DCC: variants seen among roughly 807,000 people sequenced by gnomAD.
DCC encodes DCC netrin 1 receptor, also known as netrin receptor DCC.
Under a neutral mutation model 172.5 loss-of-function variants are expected in DCC, and 58 were observed. That is an observed-to-expected ratio of 0.34 (90% confidence interval 0.27 to 0.42). DCC has a LOEUF of 0.42. Ranked by LOEUF, DCC falls within the 10% of genes least tolerant of loss-of-function variation. DCC has a pLI of 1.00. For synonymous variants in DCC, 709 were observed against 644.5 expected (o/e 1.10, Z -1.52); for missense variants, 1,740 against 1,791.0 (o/e 0.97, Z 0.51).
intron 21 of DCC, among the ~76,000 whole-genome samples, chr18:53,433,128 T>C (rs1451173747): frequency 1.3e-5 from 2 of 152,146 alleles, no homozygotes; most frequent in Non-Finnish European, 2.9e-5. Flanking sequence ...ATGTCCAAGC[T>C]TTAAGCTACT....
intron 12 of DCC, among the ~76,000 whole-genome samples, chr18:53,286,571 T>C (rs147301695): frequency 6.6e-6 from 1 of 152,338 alleles, no homozygotes; most frequent in East Asian, 1.9e-4. Context: ...ACAATTGCAT[T>C]AGCCTCTAAT....
intron 5 of DCC, among the ~76,000 whole-genome samples, chr18:53,049,424 C>T (rs921833226): frequency 3.3e-5 from 5 of 152,076 alleles, no homozygotes; most frequent in African/African-American, 1.2e-4. Flanking sequence ...TATTCCAGGA[C>T]CATTTATTAA....
At chr18:52,588,103 G>A (rs1380003676) in intron 1 of DCC, among the ~76,000 whole-genome samples, 1 of 152,180 alleles carries the variant, frequency 6.6e-6, no homozygotes, top group Non-Finnish European at 1.5e-5. Flanking sequence ...CAAACGTTCA[G>A]TTTCCACCAA....
At chr18:52,736,524 A>T (rs1440681122) in intron 1 of DCC, among the ~76,000 whole-genome samples, 1 of 152,030 alleles carries the variant, frequency 6.6e-6, no homozygotes, top group African/African-American at 2.4e-5. Context: ...CACATTTTTC[A>T]TACTGTTTTT....
chr18:53,134,396 G>T (rs995668182), intron 7 of DCC, among the ~76,000 whole-genome samples: 2 of 152,078 alleles, frequency 1.3e-5, no homozygotes, highest in African/African-American at 4.8e-5. Flanking sequence ...GACCCTGCCT[G>T]CTTCTGAACT....
At chr18:52,710,930 A>C (rs1434925068) in intron 1 of DCC, among the ~76,000 whole-genome samples, 2 of 152,198 alleles carry the variant, frequency 1.3e-5, no homozygotes, top group African/African-American at 4.8e-5. Flanking sequence ...GAGAGGAGAC[A>C]GGATGCTGAC....
chr18:52,762,193 G>A (rs78733388), intron 2 of DCC, among the ~76,000 whole-genome samples: 14,687 of 152,220 alleles, frequency 0.096, 908 homozygotes, highest in Middle Eastern at 0.2. Flanking sequence ...AGTTTGATAG[G>A]CTGGGCATGG....
chr18:53,434,912 A>G lies in DCC; in HGVS notation c.3164-232A>G, dbSNP rs143257766. Among the ~76,000 whole-genome samples, 482 of 152,312 alleles carry G rather than the reference A, an allele frequency of 3.2e-3. 4 individuals are homozygous for G. Among genetic ancestry groups the G allele is most frequent in the African/African-American group, 0.011 (444 of 41,574 alleles). On this transcript the variant is annotated intron_variant, in intron 21 of 28. Transcript: ENST00000442544. ...AGAAATAAAAAGAATGGAGGATGGC[A>G]TATCAGTGAAACACTGAATTTAGTT...
At chr18:52,495,297 C>G (rs1349933) in intron 1 of DCC, among the ~76,000 whole-genome samples, 2 of 151,946 alleles carry the variant, frequency 1.3e-5, no homozygotes, top group African/African-American at 4.8e-5. Flanking sequence ...CCTGACAGTT[C>G]AAGTCTTCGT....
At chr18:52,372,441 G>A (rs1217253965) in intron 1 of DCC, among the ~76,000 whole-genome samples, 1 of 152,206 alleles carries the variant, frequency 6.6e-6, no homozygotes, top group African/African-American at 2.4e-5. Context: ...TACACTGGGA[G>A]TAGGGCTGGT....
intron 9 of DCC, among the ~76,000 whole-genome samples, chr18:53,184,422 C>T (rs1207102746): frequency 2.0e-5 from 3 of 152,074 alleles, no homozygotes; most frequent in African/African-American, 7.2e-5. Flanking sequence ...GTGTCTTACA[C>T]ACCTAGAAGG....
chr18:52,406,397 G>A (rs550133780), intron 1 of DCC, among the ~76,000 whole-genome samples: 223 of 151,874 alleles, frequency 1.5e-3, no homozygotes, highest in African/African-American at 5.0e-3. Context: ...CCTACAAAAT[G>A]GGAGAAAATT....
chr18:52,608,801 G>T (rs1479633663), intron 1 of DCC, among the ~76,000 whole-genome samples: 1 of 152,182 alleles, frequency 6.6e-6, no homozygotes, highest in African/African-American at 2.4e-5. Context: ...CTGAGGGAGT[G>T]ATAATTTCTA....
chr18:52,947,074 A>G (rs1005173037), intron 5 of DCC, among the ~76,000 whole-genome samples: 1 of 152,156 alleles, frequency 6.6e-6, no homozygotes, highest in Non-Finnish European at 1.5e-5. Flanking sequence ...TCTGAGTGGC[A>G]GTTAACAAAC....
Position 53,063,413 on chromosome 18 carries a change from T to C in DCC, c.1094T>C (p.Met365Thr), listed in dbSNP as rs553716754. The change falls in exon 6 of 29, where the codon ATG becomes ACG. Residue 365 changes from methionine (M) to threonine (T), a missense_variant. Met to Thr is a moderately conservative substitution (Grantham distance 81). Around this residue, in one of 2 missense-constraint regions of DCC, gnomAD observed 1,732 missense variants for 1,767.4 expected, o/e 0.98. Transcript: ENST00000442544. ...AAGCCTGTGCCCACTGTGAATTGGA[T>C]GAAGAATGGAGATGTGGTCATTCCT... is the stretch of plus-strand genomic sequence containing the variant. The part of the protein sequence containing the change: ...SGKPVPTVNW[M>T]KNGDVVIPSD... 1.9e-6 allele frequency: 3 copies of C among 1,612,582 alleles called. No homozygotes were observed. The highest frequency in any genetic ancestry group is 2.2e-5 in the South Asian group (2 of 91,024).
rs546985039 is a variant in DCC at position 52,815,963 on chromosome 18, C to T, written c.412+63589C>T. On this transcript the variant is annotated intron_variant, in intron 2 of 28. Coordinates refer to ENST00000442544, the MANE Select transcript of DCC (RefSeq NM_005215.4). ...TATTAGGCTACAGATAGTGACCTAA[C>T]GTAACAAAAAAGAGATAAACCAACC... Among the ~76,000 whole-genome samples, 10 of 152,220 alleles carry T rather than the reference C, an allele frequency of 6.6e-5. No homozygotes were observed. In the South Asian group the frequency reaches 1.5e-3, roughly 22 times the overall value.
At chr18:52,971,142 C>A (rs557099237) in intron 5 of DCC, among the ~76,000 whole-genome samples, 2 of 152,190 alleles carry the variant, frequency 1.3e-5, no homozygotes, top group African/African-American at 2.4e-5. Context: ...AGAAAAAAAA[C>A]ACAGCTTTTT....
chr18:53,215,139 A>T (rs12958954), intron 11 of DCC, among the ~76,000 whole-genome samples: 7,808 of 152,210 alleles, frequency 0.051, 236 homozygotes, highest in East Asian at 0.12. Flanking sequence ...TAGAATGACA[A>T]ATTTTATCAT....
At chr18:52,533,197 C>T (rs1401978197) in intron 1 of DCC, among the ~76,000 whole-genome samples, 2 of 152,106 alleles carry the variant, frequency 1.3e-5, no homozygotes, top group South Asian at 2.1e-4. Flanking sequence ...ACCAGGATAT[C>T]GACATTTGAT....
Sources: allele counts gnomAD v4.1 joint callset (sites outside exome capture counted in the v4.1 genomes callset), GRCh38; gene constraint gnomAD v4.1.1; regional missense constraint gnomAD v4.1.1; transcripts MANE v1.5; gene names NCBI Gene and HGNC (gene_info 2026-07-23, HGNC 2026-07-21).